Variants in MTPAP observed in about 807,000 individuals in gnomAD.
MTPAP encodes poly(A) RNA polymerase, mitochondrial.
MTPAP carries 23 observed loss-of-function variants against 48.7 expected under a neutral mutation model. That is an observed-to-expected ratio of 0.47 (90% CI 0.34 to 0.67). The LOEUF (loss-of-function observed/expected upper bound fraction) is 0.67, where lower values mean the gene tolerates loss of function less well. Ranked by LOEUF, MTPAP falls within the 30% of genes least tolerant of loss-of-function variation. The pLI is 0.01. For synonymous variants in MTPAP, 257 were observed against 254.1 expected (o/e 1.01, Z -0.11); for missense variants, 614 against 694.3 (o/e 0.88, Z 1.30).
intron 3 of MTPAP, among the ~76,000 whole-genome samples, chr10:30,338,684 A>C (rs1377934869): frequency 6.6e-6 from 1 of 152,118 alleles, no homozygotes; most frequent in Non-Finnish European, 1.5e-5. Flanking sequence ...TCAAAATAAT[A>C]ATAATAACAA....
chr10:30,346,580 G>A (rs1834875858), intron 1 of MTPAP, among the ~76,000 whole-genome samples: 1 of 152,142 alleles, frequency 6.6e-6, no homozygotes, highest in Admixed American at 6.5e-5. Context: ...AGACAGGGTA[G>A]GTATCACTGC....
intron 4 of MTPAP, among the ~76,000 whole-genome samples, chr10:30,332,599 T>C (rs1314348915): frequency 6.6e-6 from 1 of 151,804 alleles, no homozygotes; most frequent in Non-Finnish European, 1.5e-5. Context: ...CGGCCCAAAA[T>C]GCCTAATTGT....
chr10:30,329,122 C>T (rs1834633801), intron 4 of MTPAP, among the ~76,000 whole-genome samples: 1 of 152,012 alleles, frequency 6.6e-6, no homozygotes, highest in East Asian at 1.9e-4. Flanking sequence ...GTGGTGCAAG[C>T]CTGTAATCCC....
At chr10:30,338,636 T>C (rs1483020628) in intron 3 of MTPAP, among the ~76,000 whole-genome samples, 1 of 147,500 alleles carries the variant, frequency 6.8e-6, no homozygotes, top group African/African-American at 2.5e-5. Context: ...GATCAGGCCA[T>C]TGCACTCCAG....
chr10:30,327,474 G>A (rs1834611182), intron 4 of MTPAP, among the ~76,000 whole-genome samples: 1 of 151,056 alleles, frequency 6.6e-6, no homozygotes, highest in Non-Finnish European at 1.5e-5. Flanking sequence ...ACTCCAGCCT[G>A]GGCAACTGAG....
intron 6 of MTPAP, among the ~76,000 whole-genome samples, chr10:30,320,897 G>A (rs1840717288): frequency 6.6e-6 from 1 of 152,170 alleles, no homozygotes; most frequent in Admixed American, 6.5e-5. Context: ...TCCCCACGAT[G>A]GTTTCTATGA....
intron 1 of MTPAP, among the ~76,000 whole-genome samples, chr10:30,342,882 T>C (rs1441648804): frequency 6.6e-6 from 1 of 152,164 alleles, no homozygotes; most frequent in African/African-American, 2.4e-5. Context: ...CTAGGAGTTT[T>C]ACAATCACAG....
intron 2 of MTPAP, 80 bp from the exon 3 acceptor site, chr10:30,340,530 A>G: frequency 7.1e-6 from 7 of 990,510 alleles, no homozygotes; most frequent in Admixed American, 3.5e-5. Context: ...TATTAAAACA[A>G]TTATCATAAT....
rs141779374 is a variant in MTPAP, at chr10:30,349,263, C to A, written c.13G>T (p.Gly5Cys). 2 of 1,486,246 alleles carry A rather than the reference C, an allele frequency of 1.3e-6. No homozygotes were observed. Among genetic ancestry groups the A allele is most frequent in the Admixed American group, 2.0e-5 (1 of 50,182 alleles). The allele number at this position is 1,486,246 out of a possible 1,614,324, so 92.1% of individuals were successfully genotyped here. A position where few individuals can be genotyped will look rare whatever the true frequency, so the allele number is the denominator to read the frequency against. ...TTCAAACGGGTCAAGAGCCCCACGC[C>A]GGGAACCGCCATTGCTAAAAAAAAA... MAVP[G>C]VGLLTRLNLC... Residue 5 changes from glycine to cysteine, a missense_variant, in exon 1 of 9, where the codon GGC becomes TGC. Transcript: ENST00000263063.
At chr10:30,343,223 C>A (rs1316303499) in intron 1 of MTPAP, among the ~76,000 whole-genome samples, 3 of 151,794 alleles carry the variant, frequency 2.0e-5, no homozygotes, top group African/African-American at 7.3e-5. Context: ...CGGAGGTGGG[C>A]GGATCACCTG....
chr10:30,320,438 C>T (rs943663013), intron 6 of MTPAP, among the ~76,000 whole-genome samples: 2 of 152,130 alleles, frequency 1.3e-5, no homozygotes, highest in African/African-American at 4.8e-5. Context: ...AGTGAGATTA[C>T]GTGAGCCCGG....
At chr10:30,346,974 A>C (rs1281133234) in intron 1 of MTPAP, among the ~76,000 whole-genome samples, 1 of 152,184 alleles carries the variant, frequency 6.6e-6, no homozygotes, top group Non-Finnish European at 1.5e-5. Context: ...GGAAAATGAA[A>C]ATATCTCACA....
At chr10:30,338,571 A>G (rs1834758715) in intron 3 of MTPAP, among the ~76,000 whole-genome samples, 1 of 151,938 alleles carries the variant, frequency 6.6e-6, no homozygotes, top group African/African-American at 2.4e-5. Flanking sequence ...GCTACTTGGG[A>G]GGCTGAGGCA....
At chr10:30,317,862 AT>A (rs926839869) in intron 6 of MTPAP, among the ~76,000 whole-genome samples, 26 of 150,146 alleles carry the variant, frequency 1.7e-4, no homozygotes, top group Non-Finnish European at 3.0e-4. Context: ...TGATATTTTA[AT>A]TTTTTTTTTG....
At chr10:30,348,905 G>A (rs1834901156) in intron 1 of MTPAP, 3 of 638,616 alleles carry the variant, frequency 4.7e-6, no homozygotes, top group South Asian at 1.9e-5. Context: ...CACAGGAGTC[G>A]CCCCAAACAA....
At chr10:30,340,114 C>T in intron 3 of MTPAP, 112 bp downstream of exon 3, 4 of 923,592 alleles carry the variant, frequency 4.3e-6, no homozygotes, top group Non-Finnish European at 6.7e-6. Flanking sequence ...CCTTGTAAAA[C>T]TGAAGATCTA....
At chr10:30,337,163 G>A (rs1176685754) in intron 3 of MTPAP, 136 bp from the exon 4 acceptor site, 28 of 803,818 alleles carry the variant, frequency 3.5e-5, no homozygotes, top group East Asian at 1.9e-4. Flanking sequence ...AGTGGCTCAC[G>A]CCTGTAATCC....
At chr10:30,341,393 GCAAAAAACAA>G in intron 2 of MTPAP, 65 bp downstream of exon 2, 1 of 1,533,180 alleles carries the variant, frequency 6.5e-7, no homozygotes, top group South Asian at 1.2e-5. Flanking sequence ...AAAAGCAACA[GCAAAAAACAA>G]CTAATGGAGA....
intron 3 of MTPAP, 78 bp downstream of exon 3, chr10:30,340,148 T>G (rs1479478183): frequency 5.0e-6 from 6 of 1,202,574 alleles, no homozygotes; most frequent in Non-Finnish European, 7.2e-6. Flanking sequence ...ATAATGTAGC[T>G]TGAACATTTT....
Sources: gnomAD v4.1 joint callset for allele counts (sites outside exome capture counted in the v4.1 genomes callset) on GRCh38, gnomAD v4.1.1 for gene constraint, MANE v1.5 for transcripts, NCBI Gene and HGNC (gene_info 2026-07-23, HGNC 2026-07-21) for gene names.